UNC79: variants seen among roughly 807,000 people sequenced by gnomAD.
UNC79 encodes the protein protein unc-79 homolog.
Under a neutral mutation model 283.1 loss-of-function variants are expected in UNC79, and 37 were observed. The observed-to-expected ratio is 0.13, with a 90% CI of 0.10 to 0.17. The LOEUF (loss-of-function observed/expected upper bound fraction) is 0.17, where lower values mean the gene tolerates loss of function less well. UNC79 is among the 10% of genes least tolerant of loss of function. The pLI, the probability that UNC79 is intolerant of heterozygous loss-of-function variation, is 1.00. For synonymous variants in UNC79, 1,107 were observed against 1,200.2 expected (o/e 0.92, Z 1.61); for missense variants, 2,272 against 3,211.1 (o/e 0.71, Z 7.07).
At chr14:93,443,623 C>T (rs1372927905) in intron 1 of UNC79, among the ~76,000 whole-genome samples, 3 of 152,092 alleles carry the variant, frequency 2.0e-5, no homozygotes, top group Non-Finnish European at 4.4e-5. Context: ...CAGGGTTTCA[C>T]CATGTTGGGC....
At chr14:93,357,197 G>T (rs2054102806) in intron 1 of UNC79, among the ~76,000 whole-genome samples, 1 of 152,150 alleles carries the variant, frequency 6.6e-6, no homozygotes, top group South Asian at 2.1e-4. Context: ...TTAGTGCAAA[G>T]GACATGATCT....
At chr14:93,525,621 A>G (rs1321935671) in intron 8 of UNC79, among the ~76,000 whole-genome samples, 2 of 152,294 alleles carry the variant, frequency 1.3e-5, no homozygotes, top group East Asian at 3.9e-4. Flanking sequence ...GTTTATTCAT[A>G]TAGTTCAGCT....
intron 14 of UNC79, among the ~76,000 whole-genome samples, chr14:93,565,988 TAAA>T (rs1186449539): frequency 6.6e-6 from 1 of 151,596 alleles, no homozygotes; most frequent in Admixed American, 6.6e-5. Flanking sequence ...GAAGGAAAAA[TAAA>T]AACACAACAA....
rs1240909895 is a variant in UNC79, at chr14:93,514,886, G to A, written c.899-9092G>A. ...CTGAAACCAGTTTGTCCAGTGGAAA[G>A]ATAAGTTCAATACCAGCTTTTTATT... is the stretch of plus-strand genomic sequence containing the variant. On this transcript the variant is annotated intron_variant, in intron 7 of 48. Coordinates refer to ENST00000555664, the Ensembl canonical transcript of UNC79. 2.6e-5 allele frequency among the ~76,000 whole-genome samples: 4 copies of A among 152,180 alleles called. No homozygotes were observed. The East Asian group carries it at 7.7e-4, about 29-fold the overall frequency.
chr14:93,351,206 T>C (rs1228860077), intron 1 of UNC79, among the ~76,000 whole-genome samples: 3 of 152,208 alleles, frequency 2.0e-5, no homozygotes, highest in Admixed American at 2.0e-4. Flanking sequence ...ATTTTATTAA[T>C]AGCAAAATAA....
chr14:93,411,932 A>G (rs931031038), intron 1 of UNC79, among the ~76,000 whole-genome samples: 3 of 152,238 alleles, frequency 2.0e-5, no homozygotes, highest in African/African-American at 7.2e-5. Context: ...TGACCTTATC[A>G]AATGAGCTAA....
intron 22 of UNC79, among the ~76,000 whole-genome samples, chr14:93,587,340 A>G (rs1223666505): frequency 6.6e-6 from 1 of 152,218 alleles, no homozygotes; most frequent in Non-Finnish European, 1.5e-5. Context: ...GACTGGTGAG[A>G]CATTTTGAAA....
chr14:93,481,047 T>C (rs909550312), intron 4 of UNC79, among the ~76,000 whole-genome samples: 2 of 152,148 alleles, frequency 1.3e-5, no homozygotes, highest in Non-Finnish European at 2.9e-5. Context: ...CTCTTCAGAG[T>C]AAGAGGCCAG....
chr14:93,591,214 A>G (rs975790388), intron 22 of UNC79, among the ~76,000 whole-genome samples: 2 of 152,130 alleles, frequency 1.3e-5, no homozygotes, highest in African/African-American at 2.4e-5. Context: ...TCGTACCTCC[A>G]TATGCTCTCT....
At chr14:93,625,191 C>A (rs566213173) in intron 30 of UNC79, among the ~76,000 whole-genome samples, 3 of 152,302 alleles carry the variant, frequency 2.0e-5, no homozygotes, top group Non-Finnish European at 2.9e-5. Flanking sequence ...ATTGCTTTCC[C>A]TACAGCCCAT....
intron 16 of UNC79, among the ~76,000 whole-genome samples, chr14:93,574,232 G>A (rs372126306): frequency 1.5e-4 from 23 of 152,260 alleles, no homozygotes; most frequent in Admixed American, 3.9e-4. Flanking sequence ...ACATTTACAC[G>A]TTTTATGAAC....
intron 22 of UNC79, among the ~76,000 whole-genome samples, chr14:93,593,464 G>A (rs952037973): frequency 6.6e-6 from 1 of 152,172 alleles, no homozygotes; most frequent in African/African-American, 2.4e-5. Flanking sequence ...AAAATGTAAT[G>A]TTAAGTAAAA....
chr14:93,439,556 G>A (rs1482216073), intron 1 of UNC79, among the ~76,000 whole-genome samples: 1 of 151,936 alleles, frequency 6.6e-6, no homozygotes, highest in African/African-American at 2.4e-5. Context: ...TTTTTCTGGG[G>A]GGTAGAGTGG....
intron 2 of UNC79, among the ~76,000 whole-genome samples, chr14:93,469,499 C>A (rs2057387498): frequency 6.6e-6 from 1 of 152,176 alleles, no homozygotes; most frequent in African/African-American, 2.4e-5. Flanking sequence ...AAGTTCAAGA[C>A]AGCCAGACAT....
intron 1 of UNC79, among the ~76,000 whole-genome samples, chr14:93,350,199 A>G (rs1162678639): frequency 6.6e-6 from 1 of 152,106 alleles, no homozygotes; most frequent in African/African-American, 2.4e-5. Flanking sequence ...ATTCTAGTTA[A>G]TATATAATTC....
chr14:93,375,238 C>T (rs766456003), intron 1 of UNC79, among the ~76,000 whole-genome samples: 18 of 152,112 alleles, frequency 1.2e-4, no homozygotes, highest in East Asian at 3.9e-4. Context: ...CAAAAATTAG[C>T]GGGTCATGGT....
At chr14:93,402,819 TTCTCTGCTG>T (rs2055138121) in intron 1 of UNC79, among the ~76,000 whole-genome samples, 1 of 152,210 alleles carries the variant, frequency 6.6e-6, no homozygotes, top group South Asian at 2.1e-4. Context: ...CAGATATTTC[TTCTCTGCTG>T]TCTCTGCTGA....
At chr14:93,671,099 T>C (rs1466831034) in intron 40 of UNC79, among the ~76,000 whole-genome samples, 2 of 152,232 alleles carry the variant, frequency 1.3e-5, no homozygotes, top group African/African-American at 4.8e-5. Context: ...AATATATTGT[T>C]AAGCTGTTGA....
intron 1 of UNC79, among the ~76,000 whole-genome samples, chr14:93,453,512 T>C (rs2056710172): frequency 6.6e-6 from 1 of 152,242 alleles, no homozygotes; most frequent in African/African-American, 2.4e-5. Context: ...ATTTATACTT[T>C]CTTGAAAAGA....
Sources: allele counts gnomAD v4.1 joint callset (sites outside exome capture counted in the v4.1 genomes callset), GRCh38; gene constraint gnomAD v4.1.1; transcripts MANE v1.5; gene names NCBI Gene and HGNC (gene_info 2026-07-23, HGNC 2026-07-21).